RB1: variants seen among roughly 807,000 people sequenced by gnomAD.
RB1 encodes the protein retinoblastoma-associated protein.
Under a neutral mutation model 135.4 loss-of-function variants are expected in RB1, and 18 were observed. The ratio of observed to expected loss-of-function variants is 0.13; its 90% CI spans 0.09 to 0.20. RB1 has a LOEUF of 0.20. Ranked by LOEUF, RB1 falls within the 10% of genes least tolerant of loss-of-function variation. The probability of loss-of-function intolerance (pLI) is 1.00; values close to 1 mark genes in which losing one functional copy is unlikely to be tolerated. For missense variants in RB1, 868 were observed against 1,110.0 expected (o/e 0.78, Z 3.10); for synonymous variants, 365 against 373.2 (o/e 0.98, Z 0.25).
chr13:48,476,005 A>G (rs1949501911), intron 24 of RB1, among the ~76,000 whole-genome samples: 1 of 152,236 alleles, frequency 6.6e-6, no homozygotes, highest in African/African-American at 2.4e-5. Flanking sequence ...AATTTAAAAT[A>G]TTATACATTT....
intron 2 of RB1, chr13:48,320,137 C>T: frequency 1.2e-6 from 1 of 802,288 alleles, no homozygotes; most frequent in South Asian, 1.7e-5. Context: ...CACCAACGGG[C>T]CAAAGTCTGC....
intron 17 of RB1, among the ~76,000 whole-genome samples, chr13:48,382,928 C>T (rs1469560881): frequency 2.0e-5 from 3 of 152,058 alleles, no homozygotes; most frequent in African/African-American, 7.2e-5. Flanking sequence ...GCCAGTTTTC[C>T]CAGCACCATT....
At chr13:48,474,364 G>T (rs1010611042) in intron 24 of RB1, among the ~76,000 whole-genome samples, 1 of 152,084 alleles carries the variant, frequency 6.6e-6, no homozygotes, top group Non-Finnish European at 1.5e-5. Context: ...TAGAACAAAA[G>T]ATGGTCCCAT....
intron 17 of RB1, among the ~76,000 whole-genome samples, chr13:48,387,223 T>C (rs1342282152): frequency 6.6e-6 from 1 of 152,230 alleles, no homozygotes; most frequent in Non-Finnish European, 1.5e-5. Flanking sequence ...ACAGTGCTAT[T>C]GTTCTATCTT....
chr13:48,310,526 A>G (rs1200211761), intron 2 of RB1, among the ~76,000 whole-genome samples: 1 of 152,194 alleles, frequency 6.6e-6, no homozygotes, highest in African/African-American at 2.4e-5. Flanking sequence ...AGTTATGTGC[A>G]GATTAAATAA....
intron 2 of RB1, chr13:48,317,684 C>T: frequency 1.8e-6 from 1 of 541,866 alleles, no homozygotes; most frequent in Non-Finnish European, 2.8e-6. Context: ...CTGGGCGGTG[C>T]CGGATCCCCT....
intron 17 of RB1, among the ~76,000 whole-genome samples, chr13:48,402,379 CT>C (rs545934425): frequency 0.012 from 1,512 of 125,732 alleles, 44 homozygotes; most frequent in African/African-American, 0.04. Context: ...TGTAGAAAAC[CT>C]TTTTTTTTTT....
At chr13:48,341,776 A>G (rs931958122) in intron 2 of RB1, among the ~76,000 whole-genome samples, 8 of 152,030 alleles carry the variant, frequency 5.3e-5, no homozygotes, top group African/African-American at 1.9e-4. Flanking sequence ...ATTTCAAAAT[A>G]ATGTAAGATG....
intron 11 of RB1, among the ~76,000 whole-genome samples, chr13:48,373,137 C>T (rs1205032790): frequency 6.6e-6 from 1 of 151,970 alleles, no homozygotes; most frequent in Non-Finnish European, 1.5e-5. Flanking sequence ...AAAAATAATG[C>T]CACTATTTTA....
In RB1 at chr13:48,303,821, C is replaced by A; in HGVS notation, c.-92C>A. 1.4e-6 allele frequency: 2 copies of A among 1,458,532 alleles called. No homozygotes were observed. The highest frequency in any genetic ancestry group is 1.3e-5 in the South Asian group (1 of 77,610). The allele number at this position is 1,458,532 out of a possible 1,614,324, so 90.3% of individuals were successfully genotyped here. On this transcript the variant is annotated 5_prime_UTR_variant, in exon 1 of 27. Coordinates refer to ENST00000267163, the MANE Select transcript of RB1 (RefSeq NM_000321.3). ...TTGAAATTATTTTTGTAACGGGAGT[C>A]GGGAGAGGACGGGGCGTGCCCCGAC...
At chr13:48,408,699 A>C (rs1431556538) in intron 17 of RB1, 1 of 152,114 alleles carries the variant, frequency 6.6e-6, no homozygotes, top group African/African-American at 2.4e-5. Context: ...AGATGAGAAA[A>C]CCATGTTTGT....
chr13:48,379,957 TAAAAAAA>T (rs35427721), intron 14 of RB1, 89 bp from the exon 15 acceptor site: 19 of 369,298 alleles, frequency 5.1e-5, no homozygotes, highest in East Asian at 4.2e-4. Flanking sequence ...AGACACCATC[TAAAAAAA>T]AAAAAAAAAA....
chr13:48,420,815 G>GCATA (rs1292019610), intron 17 of RB1, among the ~76,000 whole-genome samples: 11 of 151,998 alleles, frequency 7.2e-5, no homozygotes, highest in Non-Finnish European at 2.9e-5. Flanking sequence ...AAATACCTAG[G>GCATA]CATACAACAC....
At chr13:48,390,360 C>T (rs1486180163) in intron 17 of RB1, among the ~76,000 whole-genome samples, 2 of 152,106 alleles carry the variant, frequency 1.3e-5, no homozygotes, top group African/African-American at 4.8e-5. Context: ...CAGAACATTT[C>T]TGGGTAGTTT....
intron 17 of RB1, among the ~76,000 whole-genome samples, chr13:48,393,351 C>A (rs1009475787): frequency 6.6e-6 from 1 of 152,216 alleles, no homozygotes; most frequent in African/African-American, 2.4e-5. Context: ...TGGGGGACCA[C>A]TGGGCTGCAT....
At chr13:48,448,473 C>T (rs1949304630) in intron 17 of RB1, among the ~76,000 whole-genome samples, 1 of 152,198 alleles carries the variant, frequency 6.6e-6, no homozygotes, top group South Asian at 2.1e-4. Flanking sequence ...TAGTGAGTCA[C>T]TATTACAGAT....
At chr13:48,465,599 G>A (rs896094787) in intron 23 of RB1, among the ~76,000 whole-genome samples, 1 of 152,014 alleles carries the variant, frequency 6.6e-6, no homozygotes, top group African/African-American at 2.4e-5. Flanking sequence ...AGCTCCCAGC[G>A]TGAGCGACGC....
chr13:48,311,759 T>G (rs546820347), intron 2 of RB1, among the ~76,000 whole-genome samples: 2 of 152,316 alleles, frequency 1.3e-5, no homozygotes, highest in South Asian at 4.1e-4. Flanking sequence ...CAGGCTGGAG[T>G]GCGTGGCACG....
intron 2 of RB1, among the ~76,000 whole-genome samples, chr13:48,309,952 C>T (rs977751329): frequency 6.6e-6 from 1 of 151,990 alleles, no homozygotes; most frequent in Non-Finnish European, 1.5e-5. Context: ...AATCTTATTT[C>T]CTAATGGAGC....
Sources: allele counts gnomAD v4.1 joint callset (sites outside exome capture counted in the v4.1 genomes callset), GRCh38; gene constraint gnomAD v4.1.1; transcripts MANE v1.5; gene names NCBI Gene and HGNC (gene_info 2026-07-23, HGNC 2026-07-21).